CELF1: variants seen among roughly 807,000 people sequenced by gnomAD.
The protein encoded by CELF1 is CUGBP Elav-like family member 1.
A neutral mutation model predicts 61.8 loss-of-function variants in CELF1; 10 were observed. The ratio of observed to expected loss-of-function variants is 0.16; its 90% CI spans 0.10 to 0.27. CELF1 has a LOEUF of 0.27. Among genes scored for constraint, CELF1 ranks in the 10% least tolerant of loss-of-function variants. The pLI is 1.00. For synonymous variants in CELF1, 236 were observed against 225.1 expected (o/e 1.05, Z -0.43); for missense variants, 380 against 639.1 (o/e 0.59, Z 4.37).
At chr11:47,484,594 C>T in intron 6 of CELF1, 71 bp from the exon 7 acceptor site, 1 of 1,386,340 alleles carries the variant, frequency 7.2e-7, no homozygotes, top group Non-Finnish European at 1.0e-6. Flanking sequence ...ATTTGGGAGC[C>T]AGACCGCCTG....
At position 47,471,148 on chromosome 11, in the gene CELF1, G is replaced by A. The variant is rs927344494; in HGVS notation, c.*1082C>T. The A allele has an allele frequency of 6.6e-6, 1 of 152,202 alleles. No homozygotes were observed. Among genetic ancestry groups the A allele is most frequent in the African/African-American group, 2.4e-5 (1 of 41,428 alleles). The allele number at this position is 152,202 out of a possible 1,614,324, so 9.4% of individuals were successfully genotyped here. On this transcript the variant is annotated 3_prime_UTR_variant, in exon 15 of 15. Coordinates refer to ENST00000687097, the MANE Select transcript of CELF1 (RefSeq NM_001376376.1). ...GGCAAATGAAGCATACTGGCTTGCA[G>A]GGACCTTCTGATTCAAGTACACCAA... is the stretch of plus-strand genomic sequence containing the variant.
At chr11:47,532,725 C>T (rs1017248401) in intron 1 of CELF1, among the ~76,000 whole-genome samples, 1 of 152,198 alleles carries the variant, frequency 6.6e-6, no homozygotes, top group Non-Finnish European at 1.5e-5. Flanking sequence ...AAAAAAATCT[C>T]TGAAGTTTCT....
At chr11:47,523,140 G>A (rs1234111937) in intron 1 of CELF1, 1 of 151,932 alleles carries the variant, frequency 6.6e-6, no homozygotes, top group East Asian at 1.9e-4. Context: ...GGACACACTG[G>A]AAAAATATAA....
Position 47,468,353 on chromosome 11 carries a change from A to G in CELF1, c.*3877T>C, listed in dbSNP as rs1177917151. On this transcript the variant is annotated 3_prime_UTR_variant, in exon 15 of 15. Coordinates refer to ENST00000687097, the MANE Select transcript of CELF1 (RefSeq NM_001376376.1). The stretch of plus-strand genomic sequence containing the variant: ...AAAGAACAATACATGCGGTCTCCTC[A>G]AGCCCCACAGACTGTATCAGCAAAA... 6.6e-6 allele frequency: 1 copy of G among 152,392 alleles called. No individual in the cohort carries two copies. The allele number at this position is 152,392 out of a possible 1,614,324, so 9.4% of individuals were successfully genotyped here.
intron 1 of CELF1, among the ~76,000 whole-genome samples, chr11:47,540,494 A>C (rs2096745440): frequency 6.6e-6 from 1 of 152,166 alleles, no homozygotes. Flanking sequence ...CTAGCTGACA[A>C]ATGTCAAACA....
At position 47,551,555 on chromosome 11, in the gene CELF1, G is replaced by C. The variant is rs1360763897; in HGVS notation, c.-154+1437C>G. Among the ~76,000 whole-genome samples, 13 of 152,166 alleles carry C rather than the reference G, an allele frequency of 8.5e-5. No individual in the cohort carries two copies. The South Asian group carries it at 2.5e-3, about 29-fold the overall frequency. ...GGACTCTTTAATGCTAAAACAGAAA[G>C]GGTGATTCTATATTGAGACGCCTTC... On this transcript the variant is annotated intron_variant, in intron 1 of 14. Transcript: ENST00000687097.
chr11:47,489,935 G>GTCTTTTTTTTTTTTTTTTTTTTTTT (rs2090198065), intron 3 of CELF1, among the ~76,000 whole-genome samples: 2 of 48,226 alleles, frequency 4.1e-5, no homozygotes, highest in African/African-American at 7.8e-5. Context: ...ATACCATCTT[G>GTCTTTTTTTTTTTTTTTTTTTTTTT]TTTTTTTTTT....
Position 47,466,025 on chromosome 11 carries a change from A to T in CELF1, c.*6205T>A, listed in dbSNP as rs1246551722. The T allele has an allele frequency of 6.6e-6, 1 of 152,210 alleles. No homozygotes were observed. Among genetic ancestry groups the T allele is most frequent in the Non-Finnish European group, 1.5e-5 (1 of 68,032 alleles). The allele number at this position is 152,210 out of a possible 1,614,324, so 9.4% of individuals were successfully genotyped here. A position where few individuals can be genotyped will look rare whatever the true frequency, so the allele number is the denominator to read the frequency against. On this transcript the variant is annotated 3_prime_UTR_variant, in exon 15 of 15. Coordinates refer to ENST00000687097, the MANE Select transcript of CELF1 (RefSeq NM_001376376.1). ...TGACTTTTTGTCCATGTGTCTGTGC[A>T]ATTAAAACAGATTTAGGTTCCCCAT...
chr11:47,523,053 A>G (rs1324441196), intron 1 of CELF1, among the ~76,000 whole-genome samples: 1 of 152,174 alleles, frequency 6.6e-6, no homozygotes, highest in Non-Finnish European at 1.5e-5. Flanking sequence ...TTCTGAGAAC[A>G]CTTATTTATG....
chr11:47,526,886 A>G (rs909104830), intron 1 of CELF1, among the ~76,000 whole-genome samples: 5 of 152,088 alleles, frequency 3.3e-5, no homozygotes, highest in African/African-American at 9.7e-5. Context: ...CCCTGTCTCT[A>G]TTAAAAATAC....
intron 3 of CELF1, chr11:47,494,456 A>G (rs2092658965): frequency 1.0e-6 from 1 of 982,912 alleles, no homozygotes; most frequent in Admixed American, 6.1e-5. Context: ...ATGAGAAAAT[A>G]CAATAGGGAT....
At chr11:47,531,441 C>T (rs1412697501) in intron 1 of CELF1, among the ~76,000 whole-genome samples, 1 of 151,976 alleles carries the variant, frequency 6.6e-6, no homozygotes, top group East Asian at 1.9e-4. Flanking sequence ...TGGTGGCACT[C>T]GCCTATAGTC....
intron 1 of CELF1, among the ~76,000 whole-genome samples, chr11:47,544,093 T>C (rs2096874657): frequency 6.6e-6 from 1 of 152,200 alleles, no homozygotes; most frequent in Admixed American, 6.5e-5. Flanking sequence ...TAGCACAGCA[T>C]TTCAGACACA....
chr11:47,509,079 T>TTATATTTTTTTAAA (rs2094822441), intron 1 of CELF1, among the ~76,000 whole-genome samples: 6 of 152,160 alleles, frequency 3.9e-5, no homozygotes, highest in African/African-American at 1.4e-4. Flanking sequence ...CTCAAAAAAG[T>TTATATTTTTTTAAA]TATATTTTTT....
chr11:47,482,940 TA>T (rs2084251397), intron 8 of CELF1, 84 bp from the exon 9 acceptor site: 1 of 1,230,012 alleles, frequency 8.1e-7, no homozygotes, highest in South Asian at 1.4e-5. Flanking sequence ...ACATGCAGGT[TA>T]CATTCTAATT....
At chr11:47,541,819 A>G (rs1214245426) in intron 1 of CELF1, among the ~76,000 whole-genome samples, 2 of 148,848 alleles carry the variant, frequency 1.3e-5, no homozygotes, top group African/African-American at 2.5e-5. Context: ...AGAAAGAAAG[A>G]AAGAAAGAAA....
chr11:47,476,909 A>G lies in CELF1; in HGVS notation c.1024T>C (p.Ser342Pro). The G allele has an allele frequency of 6.2e-7, 1 of 1,614,220 alleles. No individual in the cohort carries two copies. The highest frequency in any genetic ancestry group is 8.5e-7 in the Non-Finnish European group (1 of 1,180,026). Residue 342 changes from serine to proline, a missense_variant, in exon 12 of 15, where the codon TCA becomes CCA. Physicochemically the swap from Ser to Pro is moderately conservative, Grantham distance 74. Transcript: ENST00000687097. ...GCTAATGTCTGCAGGGCTCCAAGTG[A>G]GGCTATGGGGTTGACAGAATTACTG... ...SSSNSVNPIA[S>P]LGALQTLAGA...
Position 47,553,077 on chromosome 11 carries a change from T to G in CELF1, c.-239A>C, listed in dbSNP as rs1449052470. ...CCGCCGCCTCGCTGCTGAGGCCGAATCCCGGGGGAGCCTCCGCGTCCCGCC... is the reference window on the plus strand; with the variant it reads ...CCGCCGCCTCGCTGCTGAGGCCGAAGCCCGGGGGAGCCTCCGCGTCCCGCC... On this transcript the variant is annotated 5_prime_UTR_variant, in exon 1 of 15. Coordinates refer to ENST00000687097, the MANE Select transcript of CELF1 (RefSeq NM_001376376.1). 1 of 400,304 alleles carries G rather than the reference T, an allele frequency of 2.5e-6. No individual in the cohort carries two copies. Among genetic ancestry groups the G allele is most frequent in the Non-Finnish European group, 4.4e-6 (1 of 227,688 alleles). 24.8% of individuals were successfully genotyped at this position (400,304 alleles called of 1,614,324 possible).
chr11:47,501,675 T>G (rs1304316678), intron 1 of CELF1, among the ~76,000 whole-genome samples: 1 of 151,652 alleles, frequency 6.6e-6, no homozygotes, highest in Non-Finnish European at 1.5e-5. Context: ...AAAAAAAAAT[T>G]AGCTGGGCGA....
Sources: allele counts gnomAD v4.1 joint callset (sites outside exome capture counted in the v4.1 genomes callset), GRCh38; gene constraint gnomAD v4.1.1; transcripts MANE v1.5; gene names NCBI Gene and HGNC (gene_info 2026-07-23, HGNC 2026-07-21).